CHST9: variants seen among roughly 807,000 people sequenced by gnomAD.
CHST9 encodes the protein GalNAc-4-sulfotransferase 2.
Under a neutral mutation model 44.4 loss-of-function variants are expected in CHST9, and 41 were observed. The ratio of observed to expected loss-of-function variants is 0.92; its 90% CI spans 0.72 to 1.20. The LOEUF (loss-of-function observed/expected upper bound fraction) is 1.20, where lower values mean the gene tolerates loss of function less well. CHST9 is among the 50% of genes most tolerant of loss of function. The pLI, the probability that CHST9 is intolerant of heterozygous loss-of-function variation, is 0.00. For missense variants in CHST9, 504 were observed against 516.5 expected, an observed-to-expected ratio of 0.98 and a Z score of 0.23; for synonymous variants, 171 against 178.4, an observed-to-expected ratio of 0.96 and a Z score of 0.33.
intron 1 of CHST9, among the ~76,000 whole-genome samples, chr18:27,165,497 G>A (rs1196607050): frequency 6.6e-6 from 1 of 152,106 alleles, no homozygotes; most frequent in Non-Finnish European, 1.5e-5. Context: ...TCCCATGGTG[G>A]GAAGTCAGTA....
chr18:26,945,774 T>A (rs753356701), intron 4 of CHST9, among the ~76,000 whole-genome samples: 2 of 152,212 alleles, frequency 1.3e-5, no homozygotes, highest in Non-Finnish European at 2.9e-5. Flanking sequence ...TTCTCTGGGA[T>A]AAATGTCCAG....
At chr18:27,054,125 T>C (rs1037358055) in intron 2 of CHST9, among the ~76,000 whole-genome samples, 2 of 152,194 alleles carry the variant, frequency 1.3e-5, no homozygotes, top group African/African-American at 2.4e-5. Context: ...ATGCTCCAAC[T>C]CACTCTGAAA....
chr18:27,045,226 A>T (rs1956239477), intron 3 of CHST9, among the ~76,000 whole-genome samples: 1 of 152,012 alleles, frequency 6.6e-6, no homozygotes, highest in South Asian at 2.1e-4. Context: ...TGAATTTGAA[A>T]GAGTTCTTCT....
chr18:27,034,244 A>C (rs1437812798), intron 3 of CHST9, among the ~76,000 whole-genome samples: 1 of 152,188 alleles, frequency 6.6e-6, no homozygotes, highest in African/African-American at 2.4e-5. Flanking sequence ...GTCATCCTTT[A>C]TCTCTGTTTT....
chr18:27,074,330 A>G (rs2057875740), intron 2 of CHST9, among the ~76,000 whole-genome samples: 2 of 152,188 alleles, frequency 1.3e-5, no homozygotes, highest in South Asian at 4.1e-4. Context: ...CATGAATACC[A>G]TCTATGGAGT....
chr18:26,999,923 G>A (rs2056929228), intron 4 of CHST9, among the ~76,000 whole-genome samples: 1 of 152,190 alleles, frequency 6.6e-6, no homozygotes, highest in African/African-American at 2.4e-5. Flanking sequence ...ATGATGCAAA[G>A]CCAACTATTT....
intron 4 of CHST9, among the ~76,000 whole-genome samples, chr18:27,021,678 T>C (rs1000752413): frequency 1.3e-5 from 2 of 152,222 alleles, no homozygotes; most frequent in Non-Finnish European, 2.9e-5. Flanking sequence ...TTTTTCCTCT[T>C]TCCCCAGAGA....
intron 1 of CHST9, among the ~76,000 whole-genome samples, chr18:27,161,568 C>T (rs1327089023): frequency 2.0e-5 from 3 of 151,886 alleles, no homozygotes; most frequent in Non-Finnish European, 4.4e-5. Context: ...GGTGTGGTGC[C>T]GAGAAGAATG....
At chr18:27,037,807 T>C (rs1192209906) in intron 3 of CHST9, among the ~76,000 whole-genome samples, 1 of 151,916 alleles carries the variant, frequency 6.6e-6, no homozygotes, top group Non-Finnish European at 1.5e-5. Context: ...AAGAGATGAT[T>C]AAATCCATCT....
At chr18:26,992,932 CT>C (rs990003052) in intron 4 of CHST9, among the ~76,000 whole-genome samples, 68 of 152,312 alleles carry the variant, frequency 4.5e-4, no homozygotes, top group African/African-American at 1.6e-3. Flanking sequence ...TTTGCAGGCT[CT>C]TTTGTTTAGT....
rs57437876 is a variant in CHST9 at position 27,014,453 on chromosome 18, C to CAAAAA, written c.202+9658_202+9662dup. On this transcript the variant is annotated intron_variant, in intron 4 of 5. Transcript: ENST00000618847. The stretch of plus-strand genomic sequence containing the variant: ...TGGGCGACAGAGCGAGACTCTGTCT[C>CAAAAA]AAAAAAAAAAAAAAAAAAAAAAAAA... Among the ~76,000 whole-genome samples, 120 of 39,440 alleles carry CAAAAA rather than the reference C, an allele frequency of 3.0e-3. 10 individuals are homozygous for CAAAAA. The highest frequency in any genetic ancestry group is 3.9e-3 in the Non-Finnish European group (93 of 24,032). 25.9% of individuals were successfully genotyped at this position (39,440 alleles called of 152,430 possible). A position where few individuals can be genotyped will look rare whatever the true frequency, so the allele number is the denominator to read the frequency against.
At chr18:26,979,621 TC>T (rs1270878193) in intron 4 of CHST9, among the ~76,000 whole-genome samples, 1 of 152,124 alleles carries the variant, frequency 6.6e-6, no homozygotes, top group African/African-American at 2.4e-5. Flanking sequence ...CTCTTCTTCT[TC>T]TAAGAGTTAA....
At chr18:27,171,460 A>G (rs2058833017) in intron 1 of CHST9, among the ~76,000 whole-genome samples, 1 of 152,214 alleles carries the variant, frequency 6.6e-6, no homozygotes, top group African/African-American at 2.4e-5. Flanking sequence ...TAAATATGAA[A>G]ATACGAAACA....
chr18:27,076,035 T>C (rs1345169920), intron 2 of CHST9, among the ~76,000 whole-genome samples: 2 of 152,242 alleles, frequency 1.3e-5, no homozygotes, highest in Admixed American at 1.3e-4. Context: ...ATTTACTGTG[T>C]CATTACCATT....
chr18:27,074,530 A>G (rs568217903), intron 2 of CHST9, among the ~76,000 whole-genome samples: 3 of 152,258 alleles, frequency 2.0e-5, no homozygotes, highest in African/African-American at 7.2e-5. Context: ...CGTCTGTCAA[A>G]TTTTGACTTT....
chr18:26,992,469 A>G (rs533030997), intron 4 of CHST9, among the ~76,000 whole-genome samples: 45 of 152,230 alleles, frequency 3.0e-4, no homozygotes, highest in Admixed American at 9.2e-4. Context: ...ATAAATGAAT[A>G]CAGACTAGTT....
chr18:27,111,399 C>T (rs1205297331), intron 2 of CHST9, among the ~76,000 whole-genome samples: 1 of 152,184 alleles, frequency 6.6e-6, no homozygotes, highest in African/African-American at 2.4e-5. Flanking sequence ...TATATTTTAT[C>T]CTTCTGTGGT....
intron 2 of CHST9, among the ~76,000 whole-genome samples, chr18:27,076,768 C>G (rs1365892260): frequency 5.9e-5 from 9 of 152,152 alleles, no homozygotes; most frequent in African/African-American, 2.2e-4. Context: ...CATCCACCAT[C>G]AGGCCAATAA....
chr18:27,138,149 C>CTCCTTTTGTCCCAAGCCA (rs1408707429), intron 2 of CHST9, among the ~76,000 whole-genome samples: 8 of 152,194 alleles, frequency 5.3e-5, no homozygotes, highest in African/African-American at 1.9e-4. Flanking sequence ...CAAAGGACTC[C>CTCCTTTTGTCCCAAGCCA]TCCTTTTGTC....
Sources: gnomAD v4.1 joint callset for allele counts (sites outside exome capture counted in the v4.1 genomes callset) on GRCh38, gnomAD v4.1.1 for gene constraint, MANE v1.5 for transcripts, NCBI Gene and HGNC (gene_info 2026-07-23, HGNC 2026-07-21) for gene names.